The following STK33 variants were observed in gnomAD, a reference collection of about 807,000 sequenced individuals.
STK33 encodes the protein serine/threonine kinase 33.
In STK33, 52 loss-of-function variants were observed where a neutral mutation model predicts 58.0. The ratio of observed to expected loss-of-function variants is 0.90; its 90% CI spans 0.72 to 1.13. The LOEUF is 1.13. STK33 is among the 50% of genes most tolerant of loss of function. The pLI, the probability that STK33 is intolerant of heterozygous loss-of-function variation, is 0.00. For synonymous variants in STK33, 215 were observed against 200.1 expected, an observed-to-expected ratio of 1.07 and a Z score of -0.63; for missense variants, 630 against 604.2, an observed-to-expected ratio of 1.04 and a Z score of -0.45.
intron 8 of STK33, among the ~76,000 whole-genome samples, chr11:8,461,295 T>C (rs1947493937): frequency 6.6e-6 from 1 of 151,222 alleles, no homozygotes; most frequent in Non-Finnish European, 1.5e-5. Flanking sequence ...TGAACAACTC[T>C]AAATAAAAAT....
At chr11:8,389,254 G>T (rs1848585924), downstream of STK33, among the ~76,000 whole-genome samples, 1 of 152,262 alleles carries the variant, frequency 6.6e-6, no homozygotes, top group African/African-American at 2.4e-5. Context: ...GCCCACCAAA[G>T]AAGGCAGCAA....
chr11:8,497,895 G>A (rs1951184587), intron 1 of STK33, among the ~76,000 whole-genome samples: 1 of 152,124 alleles, frequency 6.6e-6, no homozygotes. Context: ...ACCAGTCAAA[G>A]ACATCTCACA....
intron 1 of STK33, among the ~76,000 whole-genome samples, chr11:8,585,109 G>C (rs1328191963): frequency 1.3e-5 from 2 of 151,810 alleles, no homozygotes; most frequent in Non-Finnish European, 2.9e-5. Context: ...TTTTATTAGG[G>C]ACGAGGTTTC....
intron 1 of STK33, among the ~76,000 whole-genome samples, chr11:8,574,494 T>C (rs943772111): frequency 2.3e-4 from 35 of 152,196 alleles, no homozygotes; most frequent in Admixed American, 1.3e-4. Context: ...TTAAAACTTT[T>C]CAACCAAGAA....
chr11:8,462,689 C>T (rs937669589), intron 7 of STK33, among the ~76,000 whole-genome samples: 1 of 151,888 alleles, frequency 6.6e-6, no homozygotes, highest in East Asian at 1.9e-4. Flanking sequence ...TAACACTCAC[C>T]ATGCAGATAG....
Position 8,449,111 on chromosome 11 carries a change from G to A in STK33, c.871+3711C>T, listed in dbSNP as rs866316112. Among the ~76,000 whole-genome samples, 158 of 151,540 alleles carry A rather than the reference G, an allele frequency of 1.0e-3. 1 individual carries two copies. The highest frequency in any genetic ancestry group is 3.4e-3 in the Middle Eastern group (1 of 294). Reference sequence around the variant, plus strand: ...CCATCTCACACCAGTTAGAATGGCGGTCATTAAAAAGTCAGGAAACAACAG... The same window carrying A: ...CCATCTCACACCAGTTAGAATGGCGATCATTAAAAAGTCAGGAAACAACAG... On this transcript the variant is annotated intron_variant, in intron 11 of 15. Coordinates refer to ENST00000687296, the MANE Select transcript of STK33 (RefSeq NM_001352389.2).
intron 1 of STK33, among the ~76,000 whole-genome samples, chr11:8,523,596 C>T (rs1032865456): frequency 3.3e-5 from 5 of 152,066 alleles, no homozygotes; most frequent in Admixed American, 1.3e-4. Flanking sequence ...CCCCTCTGCC[C>T]GGCAGCCTCC....
chr11:8,562,502 T>A (rs1164068523), intron 1 of STK33, among the ~76,000 whole-genome samples: 1 of 106,332 alleles, frequency 9.4e-6, no homozygotes, highest in Non-Finnish European at 2.0e-5. Flanking sequence ...CTGTTTACAG[T>A]CTAAACAGTG....
intron 1 of STK33, among the ~76,000 whole-genome samples, chr11:8,583,988 A>C (rs2030961092): frequency 6.6e-6 from 1 of 152,162 alleles, no homozygotes; most frequent in African/African-American, 2.4e-5. Flanking sequence ...CTAGTGGCTG[A>C]GCTCAAAAAG....
chr11:8,402,349 G>C (rs1938199019), intron 15 of STK33, among the ~76,000 whole-genome samples: 1 of 152,044 alleles, frequency 6.6e-6, no homozygotes, highest in Admixed American at 6.6e-5. Flanking sequence ...ATCATTCTCA[G>C]CAAACTATCA....
intron 1 of STK33, among the ~76,000 whole-genome samples, chr11:8,505,424 C>T (rs751519477): frequency 1.3e-5 from 2 of 152,204 alleles, no homozygotes; most frequent in Non-Finnish European, 2.9e-5. Context: ...TAGTTTCTCT[C>T]CTCTCTGTGC....
rs1432510730 is a variant in STK33 at position 8,566,908 on chromosome 11, C to A, written c.-466+27175G>T. On this transcript the variant is annotated intron_variant, in intron 1 of 15. Coordinates refer to ENST00000687296, the MANE Select transcript of STK33 (RefSeq NM_001352389.2). ...TTAAGGCTGGGCGTGGCGGCTCATG[C>A]CTGTAATCCTAGCACTGTGGGAGGG... Among the ~76,000 whole-genome samples the A allele has an allele frequency of 2.0e-5, 3 of 152,226 alleles. No individual in the cohort carries two copies. The South Asian group carries it at 6.2e-4, about 32-fold the overall frequency.
intron 11 of STK33, among the ~76,000 whole-genome samples, chr11:8,445,177 C>A (rs958058148): frequency 6.6e-6 from 1 of 151,912 alleles, no homozygotes; most frequent in Non-Finnish European, 1.5e-5. Flanking sequence ...CGATTTGGCT[C>A]TCTGTCTGTT....
At chr11:8,482,705 TTTTTTA>T (rs1324396262) in intron 1 of STK33, among the ~76,000 whole-genome samples, 1 of 151,964 alleles carries the variant, frequency 6.6e-6, no homozygotes, top group Non-Finnish European at 1.5e-5. Flanking sequence ...AGTAACTATC[TTTTTTA>T]TTTTTATTTT....
At chr11:8,387,343 C>G (rs117529212), downstream of STK33, among the ~76,000 whole-genome samples, 1 of 152,330 alleles carries the variant, frequency 6.6e-6, no homozygotes, top group East Asian at 1.9e-4. Context: ...TATAGTACAA[C>G]AGTGATACTT....
At chr11:8,540,736 G>C (rs1955442714) in intron 1 of STK33, among the ~76,000 whole-genome samples, 1 of 152,072 alleles carries the variant, frequency 6.6e-6, no homozygotes, top group Non-Finnish European at 1.5e-5. Context: ...ACCATGGATG[G>C]GCAGGGGGCG....
intron 4 of STK33, among the ~76,000 whole-genome samples, chr11:8,476,076 T>A (rs1949242184): frequency 6.6e-6 from 1 of 152,220 alleles, no homozygotes; most frequent in African/African-American, 2.4e-5. Context: ...TACGATTTTA[T>A]AAAAGATATT....
intron 11 of STK33, among the ~76,000 whole-genome samples, chr11:8,449,125 A>G (rs1342068372): frequency 2.6e-5 from 4 of 151,730 alleles, no homozygotes; most frequent in African/African-American, 9.8e-5. Context: ...TTAAAAAGTC[A>G]GGAAACAACA....
intron 14 of STK33, among the ~76,000 whole-genome samples, chr11:8,418,147 G>A (rs1295492145): frequency 6.6e-6 from 1 of 151,604 alleles, no homozygotes; most frequent in East Asian, 1.9e-4. Context: ...TTCTTATATA[G>A]GTAAACTCGT....
Sources: allele counts gnomAD v4.1 joint callset (sites outside exome capture counted in the v4.1 genomes callset), GRCh38; gene constraint gnomAD v4.1.1; transcripts MANE v1.5; gene names NCBI Gene and HGNC (gene_info 2026-07-23, HGNC 2026-07-21).